RASGRF1: variants seen among roughly 807,000 people sequenced by gnomAD.
RASGRF1 encodes the protein ras-specific guanine nucleotide-releasing factor 1.
Under a neutral mutation model 138.7 loss-of-function variants are expected in RASGRF1, and 40 were observed. The observed-to-expected ratio is 0.29, with a 90% CI of 0.22 to 0.38. RASGRF1 has a LOEUF of 0.38. Ranked by LOEUF, RASGRF1 falls within the 10% of genes least tolerant of loss-of-function variation. The pLI is 1.00. For missense variants in RASGRF1, 1,108 were observed against 1,650.4 expected (o/e 0.67, Z 5.69); for synonymous variants, 614 against 663.2 (o/e 0.93, Z 1.14).
chr15:79,014,189 A>G (rs899124052), intron 13 of RASGRF1, among the ~76,000 whole-genome samples: 2 of 152,216 alleles, frequency 1.3e-5, no homozygotes, highest in Admixed American at 1.3e-4. Context: ...CAGTGTGGAG[A>G]TTCCTTAAAG....
intron 21 of RASGRF1, 121 bp downstream of exon 21, chr15:78,991,570 A>G (rs2056267819): frequency 1.3e-6 from 1 of 743,950 alleles, no homozygotes; most frequent in Non-Finnish European, 2.3e-6. Context: ...CCCAGGCACT[A>G]TTGTTTCAAG....
At chr15:79,033,762 G>A (rs1658341753) in intron 6 of RASGRF1, among the ~76,000 whole-genome samples, 1 of 151,286 alleles carries the variant, frequency 6.6e-6, no homozygotes, top group Non-Finnish European at 1.5e-5. Context: ...GCTAATTTTT[G>A]TAATTTTAGT....
Position 79,015,375 on chromosome 15 carries a change from A to C in RASGRF1, c.1778T>G (p.Met593Arg), listed in dbSNP as rs775786989. Reference protein sequence around the residue: ...VDNIRCNGLMMNAFEENSKVT... With the variant: ...VDNIRCNGLMRNAFEENSKVT... The stretch of plus-strand genomic sequence containing the variant: ...CTTGGAATTTTCTTCAAATGCGTTC[A>C]TCATGAGCCCATTGCATCGGATGTT... Residue 593 changes from methionine to arginine, a missense_variant, in exon 13 of 27, where the codon ATG becomes AGG. Physicochemically the swap from Met to Arg is moderately conservative, Grantham distance 91. This residue lies in a region of RASGRF1 where 686 missense variants were observed against 976.7 expected (regional missense o/e 0.70). Coordinates refer to ENST00000558480, the MANE Select transcript of RASGRF1 (RefSeq NM_001145648.3). 2.5e-6 allele frequency: 4 copies of C among 1,614,026 alleles called. No individual in the cohort carries two copies. Among genetic ancestry groups the C allele is most frequent in the Non-Finnish European group, 3.4e-6 (4 of 1,179,966 alleles).
chr15:79,007,059 T>C (rs537710832), intron 13 of RASGRF1, among the ~76,000 whole-genome samples: 167 of 152,314 alleles, frequency 1.1e-3, no homozygotes, highest in African/African-American at 3.9e-3. Flanking sequence ...TTATTTGTAA[T>C]AGCCCCAAAG....
chr15:79,054,573 A>C (rs1213119235), intron 3 of RASGRF1, among the ~76,000 whole-genome samples: 1 of 152,198 alleles, frequency 6.6e-6, no homozygotes, highest in Non-Finnish European at 1.5e-5. Context: ...GCAGTGTGCC[A>C]TGTGCCTTTC....
At chr15:78,984,274 C>T (rs2056100683) in intron 23 of RASGRF1, among the ~76,000 whole-genome samples, 1 of 152,092 alleles carries the variant, frequency 6.6e-6, no homozygotes, top group African/African-American at 2.4e-5. Flanking sequence ...GCTTGTCTGG[C>T]CTCCTGCACA....
rs146703269 is a variant in RASGRF1 at position 78,997,994 on chromosome 15, G to A, written c.2966+102C>T. ...ACTTGGGGCTGTCCTTGACAAGGGC[G>A]CTCTTCACCTCCCGGGCCTCTGACC... is the stretch of plus-strand genomic sequence containing the variant. On this transcript the variant is annotated intron_variant, in intron 19 of 26. Transcript: ENST00000558480. 1.5e-3 allele frequency: 1,480 copies of A among 978,520 alleles called. 15 individuals carry two copies. The African/African-American group carries it at 0.019, about 12-fold the overall frequency. 60.6% of individuals were successfully genotyped at this position (978,520 alleles called of 1,614,324 possible).
chr15:79,080,683 A>AG (rs200961145), intron 1 of RASGRF1, among the ~76,000 whole-genome samples: 2 of 152,212 alleles, frequency 1.3e-5, no homozygotes, highest in Non-Finnish European at 2.9e-5. Flanking sequence ...GAAAAAAAAA[A>AG]GAAAGCTCAA....
At chr15:79,060,319 G>C (rs1012115688) in intron 2 of RASGRF1, among the ~76,000 whole-genome samples, 1 of 152,220 alleles carries the variant, frequency 6.6e-6, no homozygotes, top group Non-Finnish European at 1.5e-5. Flanking sequence ...GCTTGACAAA[G>C]GAAGAAGGCA....
intron 21 of RASGRF1, among the ~76,000 whole-genome samples, chr15:78,991,484 G>A (rs996850333): frequency 1.1e-4 from 16 of 152,210 alleles, no homozygotes; most frequent in Admixed American, 2.0e-4. Context: ...AGAAAAGTGT[G>A]TGTGTGCAGC....
At chr15:78,995,684 TGGGCA>T in intron 20 of RASGRF1, 51 bp downstream of exon 20, 1 of 1,595,880 alleles carries the variant, frequency 6.3e-7, no homozygotes, top group East Asian at 2.2e-5. Context: ...TCAGGGGTCC[TGGGCA>T]GGAGGATGGG....
At chr15:78,963,859 C>A (rs775037166) in intron 26 of RASGRF1, among the ~76,000 whole-genome samples, 63 of 152,148 alleles carry the variant, frequency 4.1e-4, no homozygotes, top group Admixed American at 9.8e-4. Flanking sequence ...GATTTTATGA[C>A]CATGTGAAAT....
At position 79,032,161 on chromosome 15, in the gene RASGRF1, T is replaced by G. The variant is rs775409411; in HGVS notation, c.1114A>C (p.Arg372=). ...HYEAKPDCEE[R]TLETFLTYPM... ...TAGGTGAGGAAGGTCTCCAGCGTCCTCTCCTCGCAGTCAGGCTTGGCCTCG... is the reference window on the plus strand; with the variant it reads ...TAGGTGAGGAAGGTCTCCAGCGTCCGCTCCTCGCAGTCAGGCTTGGCCTCG... The change falls in exon 7 of 27, where the codon AGG becomes CGG. Residue 372 remains arginine (R), a synonymous_variant. Coordinates refer to ENST00000558480, the MANE Select transcript of RASGRF1 (RefSeq NM_001145648.3). This position sits in a 1 kb window ranked among gnomAD's most constrained non-coding sequence, Gnocchi z 4.5. The G allele has an allele frequency of 1.1e-5, 17 of 1,613,888 alleles. No individual in the cohort carries two copies. The highest frequency in any genetic ancestry group is 3.3e-5 in the Admixed American group (2 of 59,988).
chr15:79,038,301 A>T (rs2057249913), intron 5 of RASGRF1, among the ~76,000 whole-genome samples: 1 of 152,202 alleles, frequency 6.6e-6, no homozygotes, highest in Non-Finnish European at 1.5e-5. Context: ...GGAGGAAATG[A>T]ACCTTCTTAT....
intron 4 of RASGRF1, 49 bp downstream of exon 4, chr15:79,049,447 C>T: frequency 1.9e-6 from 3 of 1,572,146 alleles, no homozygotes. Context: ...TGGGCTGGCT[C>T]TCTAAAGAGA....
chr15:79,020,776 G>A (rs1411947888), intron 10 of RASGRF1, among the ~76,000 whole-genome samples: 1 of 152,200 alleles, frequency 6.6e-6, no homozygotes, highest in Non-Finnish European at 1.5e-5. Flanking sequence ...CCACAGCTGT[G>A]GTGGTTGTAA....
At chr15:79,068,145 C>A (rs2057704204) in intron 1 of RASGRF1, among the ~76,000 whole-genome samples, 1 of 152,092 alleles carries the variant, frequency 6.6e-6, no homozygotes, top group Non-Finnish European at 1.5e-5. Flanking sequence ...TGGCACGACC[C>A]CACTTCACAG....
At chr15:78,990,305 G>A (rs1426953684) in intron 21 of RASGRF1, 32 bp from the exon 22 acceptor site, 1 of 1,465,066 alleles carries the variant, frequency 6.8e-7, no homozygotes, top group Non-Finnish European at 9.6e-7. Context: ...CCAGGTGGAG[G>A]GGGTGAGGTT....
At chr15:79,017,932 G>A in intron 11 of RASGRF1, 26 bp from the exon 12 acceptor site, 1 of 1,611,258 alleles carries the variant, frequency 6.2e-7, no homozygotes, top group South Asian at 1.1e-5. Context: ...CATAAAGTTA[G>A]CAGCATGAAT....
Sources: allele counts gnomAD v4.1 joint callset (sites outside exome capture counted in the v4.1 genomes callset), GRCh38; gene constraint gnomAD v4.1.1; regional missense constraint gnomAD v4.1.1; non-coding constraint Gnocchi (gnomAD v3.1); transcripts MANE v1.5; gene names NCBI Gene and HGNC (gene_info 2026-07-23, HGNC 2026-07-21).